Variants in DOCK2 observed in about 807,000 individuals in gnomAD.
DOCK2 encodes the protein dedicator of cytokinesis 2.
In DOCK2, 87 loss-of-function variants were observed where a neutral mutation model predicts 248.9. The observed-to-expected ratio is 0.35, with a 90% CI of 0.29 to 0.42. DOCK2 has a LOEUF of 0.42. DOCK2 is among the 10% of genes least tolerant of loss of function. The pLI is 1.00. For missense variants in DOCK2, 1,747 were observed against 2,300.2 expected, an observed-to-expected ratio of 0.76 and a Z score of 4.92; for synonymous variants, 805 against 821.6, an observed-to-expected ratio of 0.98 and a Z score of 0.35.
At chr5:170,010,172 G>A (rs76421625) in intron 32 of DOCK2, among the ~76,000 whole-genome samples, 1 of 152,206 alleles carries the variant, frequency 6.6e-6, no homozygotes, top group East Asian at 1.9e-4. Context: ...GTTCTCCCTG[G>A]CCTCTACCCT....
intron 27 of DOCK2, among the ~76,000 whole-genome samples, chr5:169,976,355 A>G (rs1474339078): frequency 1.3e-5 from 2 of 152,340 alleles, no homozygotes; most frequent in East Asian, 3.9e-4. Context: ...ACCTCCAGGT[A>G]TCTAACTTTC....
At chr5:169,884,423 C>T (rs1772851265) in intron 27 of DOCK2, 1 of 152,372 alleles carries the variant, frequency 6.6e-6, no homozygotes, top group African/African-American at 2.4e-5. Flanking sequence ...ATCTTCTTTC[C>T]ATAGCAGGTA....
At chr5:170,051,103 G>C (rs1203460839) in intron 41 of DOCK2, among the ~76,000 whole-genome samples, 1 of 152,214 alleles carries the variant, frequency 6.6e-6, no homozygotes, top group Non-Finnish European at 1.5e-5. Context: ...TGATGTTTGA[G>C]ATTACTAGCA....
chr5:169,881,475 T>C (rs1457166305), intron 27 of DOCK2: 21 of 1,528,050 alleles, frequency 1.4e-5, no homozygotes, highest in Non-Finnish European at 1.9e-5. Flanking sequence ...GATAAATCTA[T>C]GGGCAAAAGT....
chr5:169,772,964 G>A (rs1030240110), intron 25 of DOCK2: 3 of 152,138 alleles, frequency 2.0e-5, no homozygotes, highest in Non-Finnish European at 2.9e-5. Flanking sequence ...AAGTACCATC[G>A]ATTTTGAGGA....
intron 27 of DOCK2, among the ~76,000 whole-genome samples, chr5:169,933,912 C>A (rs997371163): frequency 2.0e-5 from 3 of 152,248 alleles, no homozygotes; most frequent in African/African-American, 7.2e-5. Flanking sequence ...GAACAAACTA[C>A]TGGTGTCGCC....
chr5:169,840,292 C>T (rs931801770), intron 26 of DOCK2, among the ~76,000 whole-genome samples: 19 of 152,310 alleles, frequency 1.2e-4, no homozygotes, highest in African/African-American at 4.3e-4. Flanking sequence ...GTGATGACAG[C>T]ACCAAGGGAG....
intron 25 of DOCK2, among the ~76,000 whole-genome samples, chr5:169,786,805 A>G (rs1419755250): frequency 2.0e-5 from 3 of 152,216 alleles, no homozygotes; most frequent in Non-Finnish European, 4.4e-5. Flanking sequence ...ACACGTATTT[A>G]TATTTTATAT....
At chr5:169,785,113 A>G (rs984599431) in intron 25 of DOCK2, among the ~76,000 whole-genome samples, 2 of 152,212 alleles carry the variant, frequency 1.3e-5, no homozygotes, top group Non-Finnish European at 2.9e-5. Flanking sequence ...ATAAGAGATG[A>G]ACTCGTATGT....
At chr5:169,756,967 C>T (rs1275738534) in intron 23 of DOCK2, among the ~76,000 whole-genome samples, 1 of 151,314 alleles carries the variant, frequency 6.6e-6, no homozygotes, top group Non-Finnish European at 1.5e-5. Flanking sequence ...AGCCTCTTTT[C>T]AGGGCACATG....
chr5:169,961,058 T>C (rs1233831840), intron 27 of DOCK2, among the ~76,000 whole-genome samples: 1 of 152,204 alleles, frequency 6.6e-6, no homozygotes, highest in South Asian at 2.1e-4. Flanking sequence ...AACACCCCAG[T>C]ATATTGCATG....
intron 28 of DOCK2, 118 bp from the exon 29 acceptor site, chr5:169,985,710 G>T (rs1348708823): frequency 9.5e-6 from 6 of 631,812 alleles, no homozygotes; most frequent in Non-Finnish European, 1.5e-5. Context: ...TTAATGAAAG[G>T]CTGTGTCCCT....
At chr5:169,803,445 A>G (rs1200041115) in intron 26 of DOCK2, among the ~76,000 whole-genome samples, 1 of 152,206 alleles carries the variant, frequency 6.6e-6, no homozygotes, top group East Asian at 1.9e-4. Flanking sequence ...CTTTCTCAGA[A>G]TGTGGGTATA....
In DOCK2 at chr5:169,725,378, T is replaced by C. The variant is rs552912850; in HGVS notation, c.2267+6587T>C. ...AATTGCTGCAGTACTCAGGGAAAGC[T>C]AAACAGCCTTTCTCATGAACATATG... On this transcript the variant is annotated intron_variant, in intron 22 of 51. Coordinates refer to ENST00000520908, the MANE Select transcript of DOCK2 (RefSeq NM_004946.3). Among the ~76,000 whole-genome samples, 5 of 152,366 alleles carry C rather than the reference T, an allele frequency of 3.3e-5. No individual in the cohort carries two copies. The South Asian group carries it at 6.2e-4, about 19-fold the overall frequency.
intron 22 of DOCK2, among the ~76,000 whole-genome samples, chr5:169,744,349 A>T (rs1485505772): frequency 6.6e-6 from 1 of 152,210 alleles, no homozygotes; most frequent in Non-Finnish European, 1.5e-5. Flanking sequence ...GTTCAGTCAC[A>T]TAATATTTAT....
At chr5:170,000,961 C>T (rs1231406333) in intron 30 of DOCK2, among the ~76,000 whole-genome samples, 2 of 152,166 alleles carry the variant, frequency 1.3e-5, no homozygotes, top group Non-Finnish European at 2.9e-5. Context: ...AGGGAGCAGT[C>T]ATCAAAGCCT....
chr5:170,002,755 TCTAA>T (rs756243327), intron 30 of DOCK2, among the ~76,000 whole-genome samples: 1 of 150,806 alleles, frequency 6.6e-6, no homozygotes, highest in Non-Finnish European at 1.5e-5. Context: ...TTATTCCAGT[TCTAA>T]CTCTCTATTG....
intron 27 of DOCK2, among the ~76,000 whole-genome samples, chr5:169,925,853 T>C (rs1775420877): frequency 6.6e-6 from 1 of 152,134 alleles, no homozygotes; most frequent in South Asian, 2.1e-4. Flanking sequence ...ATTTAACAAT[T>C]TCTGGTTCCC....
chr5:169,742,733 G>C (rs1763387173), intron 22 of DOCK2, among the ~76,000 whole-genome samples: 1 of 152,198 alleles, frequency 6.6e-6, no homozygotes, highest in Admixed American at 6.5e-5. Context: ...GAAAGAGGTG[G>C]TACAGAGCAT....
Sources: allele counts gnomAD v4.1 joint callset (sites outside exome capture counted in the v4.1 genomes callset), GRCh38; gene constraint gnomAD v4.1.1; transcripts MANE v1.5; gene names NCBI Gene and HGNC (gene_info 2026-07-23, HGNC 2026-07-21).